Variants in TAB2 observed in about 807,000 individuals in gnomAD.
TAB2 encodes the protein TGF-beta activated kinase 1 (MAP3K7) binding protein 2, also known as TGF-beta-activated kinase 1 and MAP3K7-binding protein 2.
A neutral mutation model predicts 65.0 loss-of-function variants in TAB2; 3 were observed. The observed-to-expected ratio is 0.05, with a 90% CI of 0.02 to 0.12. The LOEUF (loss-of-function observed/expected upper bound fraction) is 0.12, where lower values mean the gene tolerates loss of function less well. TAB2 is among the 10% of genes least tolerant of loss of function. TAB2 has a pLI of 1.00. For synonymous variants in TAB2, 298 were observed against 285.1 expected (o/e 1.05, Z -0.46); for missense variants, 623 against 840.3 (o/e 0.74, Z 3.20).
chr6:149,258,315 T>G lies in TAB2; in HGVS notation c.-121+39539T>G, dbSNP rs147757397. Reference sequence around the variant, plus strand: ...TGTAAATACTCCCACCATGGCTAATTTCAAGTCATTCAGTGATGTCACTGA... The same window carrying G: ...TGTAAATACTCCCACCATGGCTAATGTCAAGTCATTCAGTGATGTCACTGA... On this transcript the variant is annotated intron_variant, in intron 1 of 1. Transcript: ENST00000606202. Among the ~76,000 whole-genome samples, 4 of 152,114 alleles carry G rather than the reference T, an allele frequency of 2.6e-5. No individual in the cohort carries two copies. In the East Asian group the frequency reaches 7.7e-4, roughly 29 times the overall value.
intron 3 of TAB2, among the ~76,000 whole-genome samples, chr6:149,395,941 C>A (rs1216645890): frequency 6.6e-6 from 1 of 151,994 alleles, no homozygotes. Context: ...GAAACATTTT[C>A]AGCCAATATC....
chr6:149,297,937 G>T (rs1020042390), intron 1 of TAB2, among the ~76,000 whole-genome samples: 43 of 152,106 alleles, frequency 2.8e-4, no homozygotes, highest in African/African-American at 9.2e-4. Flanking sequence ...TATACTGCAG[G>T]TTCCCTATTT....
chr6:149,362,148 T>C (rs1182015683), intron 1 of TAB2, among the ~76,000 whole-genome samples: 1 of 152,224 alleles, frequency 6.6e-6, no homozygotes, highest in Non-Finnish European at 1.5e-5. Flanking sequence ...CATTTTCAAG[T>C]ATCTTTATAG....
rs186425177 is a variant in TAB2 at position 149,378,955 on chromosome 6, G to A, written c.1040G>A (p.Arg347Gln). Residue 347 changes from arginine to glutamine, a missense_variant, in exon 3 of 7, where the codon CGA becomes CAA. Arg to Gln is a conservative substitution (Grantham distance 43, BLOSUM62 1). Coordinates refer to ENST00000637181, the MANE Select transcript of TAB2 (RefSeq NM_001292034.3). ...NSSKLRSSGP[R>Q]TSSTSSSVNS... ...TCAAAACTGCGTTCTTCTGGACCTC[G>A]AACCTCCAGCACTTCCTCTTCAGTC... 5.0e-6 allele frequency: 8 copies of A among 1,614,086 alleles called. No homozygotes were observed. The Admixed American group carries it at 6.7e-5, about 13-fold the overall frequency.
At chr6:149,408,229 T>C (rs1782731885) in intron 6 of TAB2, among the ~76,000 whole-genome samples, 1 of 152,206 alleles carries the variant, frequency 6.6e-6, no homozygotes, top group Non-Finnish European at 1.5e-5. Context: ...CCCTTGATTT[T>C]TTTAGATATT....
At chr6:149,323,456 A>G (rs1188915824) in intron 1 of TAB2, among the ~76,000 whole-genome samples, 3 of 152,134 alleles carry the variant, frequency 2.0e-5, no homozygotes, top group African/African-American at 7.2e-5. Flanking sequence ...AGATAATTTC[A>G]ATGAAAGTGT....
chr6:149,226,794 T>C (rs969871195), intron 1 of TAB2, among the ~76,000 whole-genome samples: 1 of 152,228 alleles, frequency 6.6e-6, no homozygotes, highest in South Asian at 2.1e-4. Context: ...AGTTATTGAG[T>C]TCCATGAGGC....
At chr6:149,244,350 G>T (rs960779727) in intron 1 of TAB2, 1 of 152,366 alleles carries the variant, frequency 6.6e-6, no homozygotes, top group Admixed American at 6.5e-5. Flanking sequence ...CACGGTGGCG[G>T]TGGAGGGTGG....
At chr6:149,367,727 G>T (rs933084885) in intron 1 of TAB2, among the ~76,000 whole-genome samples, 2 of 152,028 alleles carry the variant, frequency 1.3e-5, no homozygotes, top group Admixed American at 1.3e-4. Flanking sequence ...GGGAAAAATT[G>T]GTTAGATTAA....
rs77595326 is a variant in TAB2, at chr6:149,332,379, A to G, written c.-90+14364A>G. ...TTCTAGTTACTGTAATTTCAGATTTATTAGCAAAAAGCCAGACTCTTCTAA... is the reference window on the plus strand; with the variant it reads ...TTCTAGTTACTGTAATTTCAGATTTGTTAGCAAAAAGCCAGACTCTTCTAA... On this transcript the variant is annotated intron_variant, in intron 1 of 6. Transcript: ENST00000637181. Among the ~76,000 whole-genome samples the G allele has an allele frequency of 7.5e-3, 1,145 of 152,282 alleles. 9 individuals carry two copies. Among genetic ancestry groups the G allele is most frequent in the African/African-American group, 0.026 (1,098 of 41,562 alleles).
At chr6:149,287,798 T>C (rs1313311892) in intron 1 of TAB2, among the ~76,000 whole-genome samples, 1 of 152,172 alleles carries the variant, frequency 6.6e-6, no homozygotes, top group Non-Finnish European at 1.5e-5. Context: ...GTGCTGAACA[T>C]TTGCTCAAGT....
At chr6:149,400,774 T>G (rs976088516) in intron 6 of TAB2, 1 of 1,319,018 alleles carries the variant, frequency 7.6e-7, no homozygotes, top group African/African-American at 1.5e-5. Context: ...TTCCACCACA[T>G]TCTGACTACT....
At chr6:149,401,181 T>C (rs1221230420) in intron 6 of TAB2, 1 of 167,008 alleles carries the variant, frequency 6.0e-6, no homozygotes, top group Non-Finnish European at 1.5e-5. Context: ...TGTCTTTAAG[T>C]AGGGATAAAT....
At chr6:149,226,002 G>C (rs574904981) in intron 1 of TAB2, among the ~76,000 whole-genome samples, 2 of 152,118 alleles carry the variant, frequency 1.3e-5, no homozygotes, top group East Asian at 3.9e-4. Context: ...GTCCCACTGA[G>C]GCCTGTGCTC....
intron 3 of TAB2, among the ~76,000 whole-genome samples, chr6:149,385,696 C>T (rs915790783): frequency 6.6e-6 from 1 of 152,144 alleles, no homozygotes; most frequent in African/African-American, 2.4e-5. Context: ...ATCCAGTCCA[C>T]GTACCCATCC....
At chr6:149,400,976 A>G (rs1292505790) in intron 6 of TAB2, 3 of 337,938 alleles carry the variant, frequency 8.9e-6, no homozygotes, top group East Asian at 1.2e-4. Flanking sequence ...CCCTTTATCC[A>G]TTAGTGGCAT....
intron 1 of TAB2, among the ~76,000 whole-genome samples, chr6:149,239,014 G>A (rs1777549281): frequency 6.6e-6 from 1 of 152,226 alleles, no homozygotes; most frequent in Non-Finnish European, 1.5e-5. Context: ...GACAGCGGCA[G>A]TGGAAATATC....
intron 3 of TAB2, among the ~76,000 whole-genome samples, chr6:149,387,175 C>T (rs1781833485): frequency 6.6e-6 from 1 of 152,092 alleles, no homozygotes; most frequent in Admixed American, 6.6e-5. Context: ...GTTTCTAACT[C>T]TGAGGTGAGG....
At chr6:149,335,179 T>G (rs1779896185) in intron 1 of TAB2, among the ~76,000 whole-genome samples, 2 of 152,008 alleles carry the variant, frequency 1.3e-5, no homozygotes, top group Admixed American at 6.6e-5. Context: ...CTCATTATCC[T>G]CTTTTGGTCC....
Sources: gnomAD v4.1 joint callset for allele counts (sites outside exome capture counted in the v4.1 genomes callset) on GRCh38, gnomAD v4.1.1 for gene constraint, MANE v1.5 for transcripts, NCBI Gene and HGNC (gene_info 2026-07-23, HGNC 2026-07-21) for gene names.